The following EGF variants were observed in gnomAD, a reference collection of about 807,000 sequenced individuals.
EGF encodes the protein pro-epidermal growth factor.
Under a neutral mutation model 143.8 loss-of-function variants are expected in EGF, and 95 were observed. The observed-to-expected ratio is 0.66, with a 90% CI of 0.56 to 0.78. The LOEUF is 0.78. EGF is among the 30% of genes least tolerant of loss of function. The pLI, the probability that EGF is intolerant of heterozygous loss-of-function variation, is 0.00. For synonymous variants in EGF, 510 were observed against 510.5 expected (o/e 1.00, Z 0.01); for missense variants, 1,320 against 1,470.9 (o/e 0.90, Z 1.68).
chr4:109,969,176 T>G, intron 11 of EGF, 57 bp downstream of exon 11: 3 of 1,606,600 alleles, frequency 1.9e-6, no homozygotes, highest in Non-Finnish European at 2.6e-6. Flanking sequence ...GGATAGGTAA[T>G]ACTATTGGCT....
At chr4:109,981,376 T>C (rs1395154781) in intron 15 of EGF, among the ~76,000 whole-genome samples, 3 of 152,118 alleles carry the variant, frequency 2.0e-5, no homozygotes, top group Non-Finnish European at 4.4e-5. Context: ...AATAAGAAAA[T>C]CAAAGTCCTT....
intron 23 of EGF, among the ~76,000 whole-genome samples, chr4:110,010,367 G>A (rs962171626): frequency 2.0e-5 from 3 of 152,190 alleles, no homozygotes; most frequent in African/African-American, 7.2e-5. Context: ...AAAGAGCAAT[G>A]TGTCAGGTTC....
chr4:109,950,589 CA>C (rs1300696990), intron 5 of EGF, among the ~76,000 whole-genome samples: 2 of 152,150 alleles, frequency 1.3e-5, no homozygotes, highest in Admixed American at 1.3e-4. Context: ...TTGGGCTCAC[CA>C]AGGCTTCTGC....
At chr4:109,957,693 C>T (rs890126881) in intron 5 of EGF, among the ~76,000 whole-genome samples, 2 of 152,240 alleles carry the variant, frequency 1.3e-5, no homozygotes, top group Non-Finnish European at 2.9e-5. Context: ...TGCTCAGGCT[C>T]TTGCTGATTT....
intron 23 of EGF, 40 bp downstream of exon 23, chr4:110,008,270 T>C (rs891316513): frequency 4.3e-6 from 7 of 1,610,396 alleles, no homozygotes; most frequent in African/African-American, 1.3e-5. Flanking sequence ...TGGTTATTTT[T>C]ACTTAGATCC....
intron 10 of EGF, among the ~76,000 whole-genome samples, chr4:109,968,131 A>G (rs1746907002): frequency 6.6e-6 from 1 of 152,348 alleles, no homozygotes; most frequent in East Asian, 1.9e-4. Flanking sequence ...TCACTAGGTG[A>G]TAGAAATTTT....
chr4:109,919,287 G>GTCTCTCTCTC (rs58110007), intron 1 of EGF, among the ~76,000 whole-genome samples: 23 of 75,894 alleles, frequency 3.0e-4, no homozygotes, highest in East Asian at 1.0e-3. Context: ...ATGCTTCTCT[G>GTCTCTCTCTC]TCTCTCTCTC....
At chr4:109,992,613 A>T (rs892978436) in intron 18 of EGF, among the ~76,000 whole-genome samples, 4 of 152,128 alleles carry the variant, frequency 2.6e-5, no homozygotes, top group African/African-American at 4.8e-5. Context: ...ACCCAAAGGA[A>T]TATAAATCAT....
At position 109,962,060 on chromosome 4, in the gene EGF, C is replaced by A. The variant is rs1560696667; in HGVS notation, c.1312+75C>A. 3 of 1,597,108 alleles carry A rather than the reference C, an allele frequency of 1.9e-6. No individual in the cohort carries two copies. In the East Asian group the frequency reaches 6.8e-5, roughly 36 times the overall value. ...TGCTCAGTGACATCTAAAAATTGAT[C>A]TTGTTGTCAAGGAAGAATTGATTTT... On this transcript the variant is annotated intron_variant, in intron 8 of 23. Coordinates refer to ENST00000265171, the MANE Select transcript of EGF (RefSeq NM_001963.6).
Position 109,976,169 on chromosome 4 carries a change from C to A in EGF, c.1987C>A (p.Gln663Lys), listed in dbSNP as rs1234150966. 6.2e-7 allele frequency: 1 copy of A among 1,614,036 alleles called. No individual in the cohort carries two copies. The highest frequency in any genetic ancestry group is 8.5e-7 in the Non-Finnish European group (1 of 1,180,024). ...TDKLYWCDAK[Q>K]SVIEMANLDG... ...CAAGTTGTACTGGTGCGATGCCAAG[C>A]AGTCTGTGATTGAAATGGCCAATCT... The change falls in exon 13 of 24, where the codon CAG becomes AAG. Residue 663 changes from glutamine to lysine, a missense_variant. Gln to Lys is a moderately conservative substitution (Grantham distance 53). Transcript: ENST00000265171.
rs573789799 is a variant in EGF at position 109,978,714 on chromosome 4, T to C, written c.2054-1258T>C. The stretch of plus-strand genomic sequence containing the variant: ...ACTGAACTTAGAAATGGTTGAGCTG[T>C]TAAGTTTTCTGTTATGCTTTTTCAC... On this transcript the variant is annotated intron_variant, in intron 13 of 23. Coordinates refer to ENST00000265171, the MANE Select transcript of EGF (RefSeq NM_001963.6). Among the ~76,000 whole-genome samples, 13 of 152,268 alleles carry C rather than the reference T, an allele frequency of 8.5e-5. No homozygotes were observed. In the South Asian group the frequency reaches 2.5e-3, roughly 29 times the overall value.
At chr4:109,944,266 C>T (rs922013791) in intron 4 of EGF, among the ~76,000 whole-genome samples, 197 bp downstream of exon 4, 10 of 152,104 alleles carry the variant, frequency 6.6e-5, no homozygotes, top group African/African-American at 2.2e-4. Flanking sequence ...GGTGAAACCC[C>T]GTCTCTACTA....
At chr4:109,940,706 T>C (rs1332729264) in intron 1 of EGF, 1 of 495,012 alleles carries the variant, frequency 2.0e-6, no homozygotes, top group Non-Finnish European at 3.6e-6. Context: ...TTCAGAGAGT[T>C]CATTTTTCAT....
chr4:109,978,497 G>A (rs1321962165), intron 13 of EGF, among the ~76,000 whole-genome samples: 8 of 152,108 alleles, frequency 5.3e-5, no homozygotes, highest in Admixed American at 3.9e-4. Flanking sequence ...AAAAAGACAC[G>A]TACTGTACAA....
chr4:109,922,567 A>G lies in EGF; in HGVS notation c.127+9105A>G, dbSNP rs547882118. Among the ~76,000 whole-genome samples the G allele has an allele frequency of 2.2e-3, 338 of 151,846 alleles. 4 individuals are homozygous for G. Among genetic ancestry groups the G allele is most frequent in the Non-Finnish European group, 4.1e-3 (276 of 68,034 alleles). The stretch of plus-strand genomic sequence containing the variant: ...TTCAAACAAAGGATACATTTTAAGC[A>G]GAGTGAATTCTGGTTGGTTCTTTAT... On this transcript the variant is annotated intron_variant, in intron 1 of 23. Transcript: ENST00000265171.
At chr4:110,005,047 T>G (rs1270130833) in intron 22 of EGF, among the ~76,000 whole-genome samples, 20 of 122,600 alleles carry the variant, frequency 1.6e-4, no homozygotes, top group Non-Finnish European at 2.9e-4. Flanking sequence ...TTTTTTTTTT[T>G]TTTTTTTTTT....
At chr4:110,003,367 C>T (rs1429014030) in intron 21 of EGF, among the ~76,000 whole-genome samples, 1 of 152,098 alleles carries the variant, frequency 6.6e-6, no homozygotes, top group Admixed American at 6.5e-5. Flanking sequence ...CTGACTGGTA[C>T]AAATTATAAC....
chr4:109,915,076 G>A (rs1170974226), intron 1 of EGF, among the ~76,000 whole-genome samples: 3 of 152,204 alleles, frequency 2.0e-5, no homozygotes, highest in Admixed American at 6.5e-5. Context: ...GCAAGTCTAT[G>A]CCTTGTTTTC....
rs1274588467 is a variant in EGF, at chr4:109,993,247, A to G, written c.2735A>G (p.Asp912Gly). Reference sequence around the variant, plus strand: ...TCCCGTACTCTGTCTTTTCTGACAGATATTGATGAGTGCCAACTGGGGGAG... The same window carrying G: ...TCCCGTACTCTGTCTTTTCTGACAGGTATTGATGAGTGCCAACTGGGGGAG... ...GYQGDGIHCL[D>G]IDECQLGEHS... is the part of the protein sequence containing the mutation. The change falls in exon 19 of 24, where the codon GAT becomes GGT. Residue 912 changes from aspartate to glycine, a missense_variant and splice_region_variant. By Grantham distance (94) the Asp-to-Gly change is moderately conservative (BLOSUM62 -1). Coordinates refer to ENST00000265171, the MANE Select transcript of EGF (RefSeq NM_001963.6). 6.2e-7 allele frequency: 1 copy of G among 1,613,672 alleles called. No individual in the cohort carries two copies. Among genetic ancestry groups the G allele is most frequent in the Non-Finnish European group, 8.5e-7 (1 of 1,179,890 alleles).
Sources: allele counts gnomAD v4.1 joint callset (sites outside exome capture counted in the v4.1 genomes callset), GRCh38; gene constraint gnomAD v4.1.1; transcripts MANE v1.5; gene names NCBI Gene and HGNC (gene_info 2026-07-23, HGNC 2026-07-21).